The following ABHD2 variants were observed in gnomAD, a reference collection of about 807,000 sequenced individuals.
ABHD2 encodes monoacylglycerol lipase ABHD2.
ABHD2 carries 20 observed loss-of-function variants against 48.1 expected under a neutral mutation model. That is an observed-to-expected ratio of 0.42 (90% CI 0.29 to 0.60). ABHD2 has a LOEUF of 0.60. Ranked by LOEUF, ABHD2 falls within the 20% of genes least tolerant of loss-of-function variation. The pLI is 0.24. For missense variants in ABHD2, 405 were observed against 550.9 expected, an observed-to-expected ratio of 0.74 and a Z score of 2.65; for synonymous variants, 209 against 214.2, an observed-to-expected ratio of 0.98 and a Z score of 0.21.
At chr15:89,138,626 GT>G (rs901729153) in intron 3 of ABHD2, among the ~76,000 whole-genome samples, 5 of 151,890 alleles carry the variant, frequency 3.3e-5, no homozygotes, top group Non-Finnish European at 5.9e-5. Flanking sequence ...CGAAAGAAAT[GT>G]TTTTTTTCAA....
the ABHD2 span, among the ~76,000 whole-genome samples, chr15:89,066,197 G>A: frequency 3.1e-3 from 479 of 152,168 alleles, 4 homozygotes; most frequent in African/African-American, 9.9e-3. Context: ...TTAAAACAAC[G>A]GAAATTTGTT....
the ABHD2 span, among the ~76,000 whole-genome samples, chr15:89,066,891 C>T: frequency 6.6e-6 from 1 of 152,238 alleles, no homozygotes; most frequent in Non-Finnish European, 1.5e-5. Flanking sequence ...GTCGTCCTTT[C>T]TCCAGATGCC....
chr15:89,118,922 G>T (rs562045418), intron 3 of ABHD2, among the ~76,000 whole-genome samples: 16 of 152,030 alleles, frequency 1.1e-4, no homozygotes, highest in African/African-American at 3.6e-4. Context: ...GACCTCTACT[G>T]AAATGGCTCC....
intron 9 of ABHD2, among the ~76,000 whole-genome samples, chr15:89,191,662 C>G (rs1197055021): frequency 1.4e-5 from 2 of 138,820 alleles, no homozygotes; most frequent in Admixed American, 7.4e-5. Context: ...GAGTCTCGCT[C>G]TGTCGCCCAG....
chr15:89,187,160 C>G (rs1378164088), intron 7 of ABHD2, among the ~76,000 whole-genome samples: 1 of 152,226 alleles, frequency 6.6e-6, no homozygotes, highest in Non-Finnish European at 1.5e-5. Context: ...CGTTTCCACA[C>G]CTCTGGTGTC....
chr15:89,048,101 G>C, the ABHD2 span, among the ~76,000 whole-genome samples: 4 of 151,854 alleles, frequency 2.6e-5, no homozygotes, highest in African/African-American at 4.8e-5. Context: ...CTGGTGGTGA[G>C]AAAATCTCTC....
intron 3 of ABHD2, among the ~76,000 whole-genome samples, chr15:89,127,706 C>CATATATATATATATACAT (rs71464446): frequency 3.8e-5 from 5 of 129,916 alleles, no homozygotes; most frequent in Admixed American, 1.5e-4. Flanking sequence ...TATATATATA[C>CATATATATATATATACAT]ATATATATAT....
upstream of ABHD2, among the ~76,000 whole-genome samples, chr15:89,084,591 G>A (rs575063366): frequency 3.9e-5 from 6 of 152,270 alleles, no homozygotes; most frequent in African/African-American, 7.2e-5. The surrounding 1 kb of genome is among the most constrained non-coding windows in gnomAD (Gnocchi z 4.4). Context: ...GAGCCACGGC[G>A]CCTGGCCCTA....
the ABHD2 span, among the ~76,000 whole-genome samples, chr15:89,066,950 G>C: frequency 6.6e-6 from 1 of 152,206 alleles, no homozygotes; most frequent in African/African-American, 2.4e-5. Flanking sequence ...ACCATACTTA[G>C]GGAGTTTGGA....
At chr15:89,109,270 G>T (rs547400601) in intron 1 of ABHD2, among the ~76,000 whole-genome samples, 1 of 152,196 alleles carries the variant, frequency 6.6e-6, no homozygotes, top group Non-Finnish European at 1.5e-5. Flanking sequence ...GAGCTCCTTT[G>T]GTGACTAGAT....
intron 3 of ABHD2, among the ~76,000 whole-genome samples, chr15:89,129,777 GT>G (rs935070460): frequency 6.6e-6 from 1 of 151,312 alleles, no homozygotes; most frequent in Non-Finnish European, 1.5e-5. Flanking sequence ...TATTTCATAG[GT>G]TCAGTATGCT....
intron 3 of ABHD2, among the ~76,000 whole-genome samples, chr15:89,121,452 C>T (rs2150824997): frequency 6.6e-6 from 1 of 150,644 alleles, no homozygotes; most frequent in African/African-American, 2.5e-5. Flanking sequence ...CACTGTCTCC[C>T]TTTGGCTTTT....
rs1164317048 is a variant in ABHD2, at chr15:89,120,308, T to C, written c.194+3787T>C. Among the ~76,000 whole-genome samples, 1 of 152,238 alleles carries C rather than the reference T, an allele frequency of 6.6e-6. No homozygotes were observed. The highest frequency in any genetic ancestry group is 2.4e-5 in the African/African-American group (1 of 41,462). On this transcript the variant is annotated intron_variant, in intron 3 of 10. Coordinates refer to ENST00000352732, the MANE Select transcript of ABHD2 (RefSeq NM_152924.5). This position sits in a 1 kb window ranked among gnomAD's most constrained non-coding sequence, Gnocchi z 4.2. ...TATTTACCTAGTGATTCATTTTTTG[T>C]TCTCATGAAGTGTTTACTTTTAGTG...
the ABHD2 span, chr15:89,082,384 T>C: frequency 6.6e-6 from 1 of 152,136 alleles, no homozygotes; most frequent in African/African-American, 2.4e-5. This position sits in a 1 kb window ranked among gnomAD's most constrained non-coding sequence, Gnocchi z 4.4. Flanking sequence ...ATGAAGGCAT[T>C]ATCTGGCCTC....
At chr15:89,082,910 C>G (rs1901304614), upstream of ABHD2, 1 of 152,170 alleles carries the variant, frequency 6.6e-6, no homozygotes, top group Admixed American at 6.5e-5. The surrounding 1 kb of genome is among the most constrained non-coding windows in gnomAD (Gnocchi z 4.4). Context: ...ATGGTGTAAT[C>G]TCAGTGCAAT....
chr15:89,139,726 A>G (rs539250551), intron 3 of ABHD2, among the ~76,000 whole-genome samples: 1 of 152,268 alleles, frequency 6.6e-6, no homozygotes, highest in African/African-American at 2.4e-5. Flanking sequence ...TCAGTGGACA[A>G]ATATTTTTTT....
chr15:89,176,018 C>T lies in ABHD2; in HGVS notation c.722+23C>T, dbSNP rs1449607143. The T allele has an allele frequency of 6.4e-7, 1 of 1,571,560 alleles. No individual in the cohort carries two copies. On this transcript the variant is annotated intron_variant, in intron 6 of 10. Coordinates refer to ENST00000352732, the MANE Select transcript of ABHD2 (RefSeq NM_152924.5). This position sits in a 1 kb window ranked among gnomAD's most constrained non-coding sequence, Gnocchi z 4.5. ...GAGGTGAGTCATCTCCGCCTTCCAT[C>T]AGGGCCTTCAGTTAGCCCTTATTTA...
upstream of ABHD2, chr15:89,087,409 A>C (rs970841773): frequency 1.3e-5 from 2 of 152,174 alleles, no homozygotes; most frequent in African/African-American, 4.8e-5. The surrounding 1 kb of genome is among the most constrained non-coding windows in gnomAD (Gnocchi z 5.5). Context: ...CAGGGGTTGC[A>C]TTTCAAGTCG....
Position 89,146,597 on chromosome 15 carries a change from C to T in ABHD2, c.195-5080C>T, listed in dbSNP as rs2050496666. Among the ~76,000 whole-genome samples, 1 of 152,066 alleles carries T rather than the reference C, an allele frequency of 6.6e-6. No individual in the cohort carries two copies. Among genetic ancestry groups the T allele is most frequent in the African/African-American group, 2.4e-5 (1 of 41,370 alleles). ...CCGCTGGCCACGGCACAACATTGGC[C>T]ACAATACCATAAGGATTAGTAAAGA... On this transcript the variant is annotated intron_variant, in intron 3 of 10. Transcript: ENST00000352732. This position sits in a 1 kb window ranked among gnomAD's most constrained non-coding sequence, Gnocchi z 4.2.
Sources: gnomAD v4.1 joint callset for allele counts (sites outside exome capture counted in the v4.1 genomes callset) on GRCh38, gnomAD v4.1.1 for gene constraint, Gnocchi (gnomAD v3.1) non-coding constraint, MANE v1.5 for transcripts, NCBI Gene and HGNC (gene_info 2026-07-23, HGNC 2026-07-21) for gene names.